LUC7L2: variants seen among roughly 807,000 people sequenced by gnomAD.
The protein encoded by LUC7L2 is LUC7 like 2, pre-mRNA splicing factor, also known as putative RNA-binding protein Luc7-like 2.
LUC7L2 carries 25 observed loss-of-function variants against 52.8 expected under a neutral mutation model. That is an observed-to-expected ratio of 0.47 (90% CI 0.34 to 0.66). The LOEUF (loss-of-function observed/expected upper bound fraction) is 0.66. Among genes scored for constraint, LUC7L2 ranks in the 30% least tolerant of loss-of-function variants. The pLI, the probability that LUC7L2 is intolerant of heterozygous loss-of-function variation, is 0.01. For synonymous variants in LUC7L2, 144 were observed against 160.9 expected (o/e 0.89, Z 0.80); for missense variants, 328 against 497.8 (o/e 0.66, Z 3.25).
At chr7:139,404,355 C>T (rs1795033265) in intron 4 of LUC7L2, among the ~76,000 whole-genome samples, 1 of 152,034 alleles carries the variant, frequency 6.6e-6, no homozygotes, top group Non-Finnish European at 1.5e-5. Context: ...ACAAAAACTG[C>T]AAAATTAGCC....
chr7:139,399,340 A>G (rs1006396719), intron 3 of LUC7L2, among the ~76,000 whole-genome samples: 2 of 149,794 alleles, frequency 1.3e-5, no homozygotes, highest in African/African-American at 4.9e-5. Flanking sequence ...ATATGCAAGT[A>G]TTACACCATT....
chr7:139,417,771 T>A (rs1795689114), intron 9 of LUC7L2, 42 bp downstream of exon 9: 1 of 1,579,406 alleles, frequency 6.3e-7, no homozygotes, highest in African/African-American at 1.4e-5. Context: ...TACCTTAATG[T>A]TTTAGAGTTG....
chr7:139,379,750 GA>G (rs1239116363), intron 2 of LUC7L2, among the ~76,000 whole-genome samples: 5 of 151,066 alleles, frequency 3.3e-5, no homozygotes, highest in African/African-American at 1.2e-4. Flanking sequence ...ATTTTTAGTA[GA>G]GACAGGGTTT....
intron 1 of LUC7L2, chr7:139,375,356 C>T: frequency 1.0e-6 from 1 of 985,352 alleles, no homozygotes; most frequent in Non-Finnish European, 1.2e-6. Flanking sequence ...AAAGCTCAGA[C>T]TACATAAAAC....
At chr7:139,397,355 A>G (rs575605078) in intron 2 of LUC7L2, among the ~76,000 whole-genome samples, 17 of 152,278 alleles carry the variant, frequency 1.1e-4, no homozygotes, top group African/African-American at 3.9e-4. Context: ...AATGGGGAAC[A>G]TTGCTATTTT....
chr7:139,363,728 G>A (rs1799995892), intron 1 of LUC7L2, among the ~76,000 whole-genome samples: 1 of 152,114 alleles, frequency 6.6e-6, no homozygotes. Flanking sequence ...AAGCAGGGAG[G>A]AGTTGCACAG....
chr7:139,341,109 G>A (rs920721506), intron 1 of LUC7L2: 2 of 356,500 alleles, frequency 5.6e-6, no homozygotes, highest in Non-Finnish European at 9.6e-6. Context: ...CAATGACGCA[G>A]TGAAGAAAAG....
chr7:139,402,106 G>T (rs771424021), intron 3 of LUC7L2, 31 bp from the exon 4 acceptor site: 1 of 1,545,916 alleles, frequency 6.5e-7, no homozygotes, highest in South Asian at 1.2e-5. Flanking sequence ...TTGACTTTCT[G>T]ACAGTAATTG....
chr7:139,421,504 G>C (rs1795902875), intron 9 of LUC7L2, among the ~76,000 whole-genome samples: 1 of 152,194 alleles, frequency 6.6e-6, no homozygotes, highest in African/African-American at 2.4e-5. Flanking sequence ...GGCTAATCAA[G>C]ATTTATTAGT....
At chr7:139,345,470 G>T (rs1289528812) in intron 1 of LUC7L2, 2 of 1,613,340 alleles carry the variant, frequency 1.2e-6, no homozygotes, top group Admixed American at 1.7e-5. Flanking sequence ...CTCTAGCTGG[G>T]TTAAGAATTT....
chr7:139,364,200 G>T (rs976330072), intron 1 of LUC7L2, among the ~76,000 whole-genome samples: 1 of 151,868 alleles, frequency 6.6e-6, no homozygotes, highest in Non-Finnish European at 1.5e-5. Flanking sequence ...GGCCAGGATG[G>T]TCTCGAACTC....
intron 5 of LUC7L2, 31 bp downstream of exon 5, chr7:139,405,818 G>C: frequency 6.4e-7 from 1 of 1,561,410 alleles, no homozygotes; most frequent in Non-Finnish European, 8.6e-7. Flanking sequence ...GACGAATTCT[G>C]CTTAATTTGG....
At chr7:139,410,009 C>A (rs1795285907) in intron 7 of LUC7L2, among the ~76,000 whole-genome samples, 1 of 152,006 alleles carries the variant, frequency 6.6e-6, no homozygotes, top group Non-Finnish European at 1.5e-5. Flanking sequence ...AGATCGAGAC[C>A]ATCCTGGCTA....
In LUC7L2 at chr7:139,374,481, C is replaced by T. The variant is rs572637547; in HGVS notation, c.62-1581C>T. The T allele has an allele frequency of 6.0e-5, 93 of 1,550,640 alleles. 1 individual carries two copies. In the African/African-American group the frequency reaches 8.7e-4, roughly 15 times the overall value. On this transcript the variant is annotated intron_variant, in intron 1 of 9. Coordinates refer to ENST00000354926, the MANE Select transcript of LUC7L2 (RefSeq NM_016019.5). The stretch of plus-strand genomic sequence containing the variant: ...CCGCATTCGCCAAGCCGTGAGTTAT[C>T]GCTAACTTTTCAGATGTGTTAATGA...
At chr7:139,381,874 C>T (rs1487218455) in intron 2 of LUC7L2, among the ~76,000 whole-genome samples, 1 of 134,124 alleles carries the variant, frequency 7.5e-6, no homozygotes, top group Non-Finnish European at 1.5e-5. Context: ...CTGCGCCTGG[C>T]CTAATTTTTT....
At chr7:139,373,699 A>AG (rs1800570492) in intron 1 of LUC7L2, among the ~76,000 whole-genome samples, 9 of 120,354 alleles carry the variant, frequency 7.5e-5, no homozygotes, top group African/African-American at 5.4e-4. Flanking sequence ...TTCAGGGCAC[A>AG]ATAACTTAAT....
At chr7:139,340,687 G>A (rs571606624) in intron 1 of LUC7L2, 38 of 392,988 alleles carry the variant, frequency 9.7e-5, no homozygotes, top group Middle Eastern at 6.4e-4. Flanking sequence ...GTGTGAGCGC[G>A]TCGTTTGCAG....
intron 6 of LUC7L2, among the ~76,000 whole-genome samples, chr7:139,408,019 G>A (rs550287540): frequency 1.3e-5 from 2 of 152,238 alleles, no homozygotes; most frequent in East Asian, 3.9e-4. Flanking sequence ...TAAGAATTGT[G>A]GCACTGTAGT....
chr7:139,371,458 G>C (rs1465074362), intron 1 of LUC7L2: 1 of 1,505,330 alleles, frequency 6.6e-7, no homozygotes, highest in Admixed American at 2.0e-5. Flanking sequence ...GCATCGGAGA[G>C]AATGGGTAAA....
Sources: gnomAD v4.1 joint callset for allele counts (sites outside exome capture counted in the v4.1 genomes callset) on GRCh38, gnomAD v4.1.1 for gene constraint, MANE v1.5 for transcripts, NCBI Gene and HGNC (gene_info 2026-07-23, HGNC 2026-07-21) for gene names.